Variants in LINGO2 observed in about 807,000 individuals in gnomAD.
LINGO2 encodes leucine rich repeat and Ig domain containing 2, also known as leucine-rich repeat and immunoglobulin-like domain-containing nogo receptor-interacting protein 2.
A neutral mutation model predicts 30.6 loss-of-function variants in LINGO2; 14 were observed. The ratio of observed to expected loss-of-function variants is 0.46; its 90% CI spans 0.30 to 0.72. The LOEUF is 0.72. LINGO2 is among the 30% of genes least tolerant of loss of function. The pLI is 0.07. For missense variants in LINGO2, 729 were observed against 751.7 expected, an observed-to-expected ratio of 0.97 and a Z score of 0.35; for synonymous variants, 317 against 288.5, an observed-to-expected ratio of 1.10 and a Z score of -1.00.
chr9:28,954,258 T>G, the LINGO2 span, among the ~76,000 whole-genome samples: 1 of 152,158 alleles, frequency 6.6e-6, no homozygotes, highest in Non-Finnish European at 1.5e-5. Flanking sequence ...GTTAAAATGA[T>G]GTTAAATGAA....
chr9:29,081,819 C>T, the LINGO2 span, among the ~76,000 whole-genome samples: 1 of 151,762 alleles, frequency 6.6e-6, no homozygotes, highest in African/African-American at 2.4e-5. Flanking sequence ...GAGTGAACTC[C>T]CATTCACAAT....
the LINGO2 span, among the ~76,000 whole-genome samples, chr9:28,780,039 T>C: frequency 2.0e-5 from 3 of 152,206 alleles, no homozygotes; most frequent in African/African-American, 7.2e-5. Context: ...TAACTCATTG[T>C]TTTGTTTCAT....
intron 1 of LINGO2, among the ~76,000 whole-genome samples, chr9:28,513,672 A>T (rs900506482): frequency 6.6e-6 from 1 of 152,220 alleles, no homozygotes; most frequent in African/African-American, 2.4e-5. Flanking sequence ...TAAAAAATTC[A>T]GATATTGTTC....
chr9:28,436,159 G>A (rs538481928), intron 2 of LINGO2, among the ~76,000 whole-genome samples: 8 of 152,162 alleles, frequency 5.3e-5, no homozygotes, highest in African/African-American at 1.9e-4. Context: ...TAATTGCAAG[G>A]ACTTCAAGTA....
At chr9:29,116,469 G>T in the LINGO2 span, among the ~76,000 whole-genome samples, 2 of 151,840 alleles carry the variant, frequency 1.3e-5, no homozygotes, top group East Asian at 1.9e-4. Flanking sequence ...TTTAAAAAAT[G>T]GAATGTAAAT....
intron 2 of LINGO2, among the ~76,000 whole-genome samples, chr9:28,412,808 C>A (rs752443839): frequency 6.6e-6 from 1 of 151,900 alleles, no homozygotes; most frequent in Non-Finnish European, 1.5e-5. Context: ...ATGATAAGTT[C>A]ACTTTACCCT....
At chr9:28,186,317 A>G (rs1388100326) in intron 4 of LINGO2, among the ~76,000 whole-genome samples, 1 of 152,176 alleles carries the variant, frequency 6.6e-6, no homozygotes, top group Non-Finnish European at 1.5e-5. Flanking sequence ...AGGTACAAAA[A>G]GTAGATCGAT....
At chr9:29,049,976 T>C in the LINGO2 span, among the ~76,000 whole-genome samples, 1 of 152,156 alleles carries the variant, frequency 6.6e-6, no homozygotes, top group Non-Finnish European at 1.5e-5. Context: ...ACTCAAAGGA[T>C]AAATGCTTTA....
At chr9:28,748,120 C>T in the LINGO2 span, among the ~76,000 whole-genome samples, 1 of 151,770 alleles carries the variant, frequency 6.6e-6, no homozygotes, top group Non-Finnish European at 1.5e-5. Flanking sequence ...TCCACTGGAG[C>T]TCTTTCCAGT....
Position 28,148,576 on chromosome 9 carries a change from C to T in LINGO2, c.-86-136171G>A. On this transcript the variant is annotated intron_variant, in intron 4 of 5. Transcript: ENST00000379992. This position sits in a 1 kb window ranked among gnomAD's most constrained non-coding sequence, Gnocchi z 5.1. ...GGCCCCTGGAGACTCAGGGAAACTT[C>T]ACTTCCTCCTGGTACAATCCCAGGC... The T allele has an allele frequency of 6.6e-7, 1 of 1,507,342 alleles. No individual in the cohort carries two copies. The highest frequency in any genetic ancestry group is 8.9e-7 in the Non-Finnish European group (1 of 1,122,050). The allele number at this position is 1,507,342 out of a possible 1,614,324, so 93.4% of individuals were successfully genotyped here. A position where few individuals can be genotyped will look rare whatever the true frequency, so the allele number is the denominator to read the frequency against.
the LINGO2 span, among the ~76,000 whole-genome samples, chr9:29,043,905 GCAAGAAACCTGAGTT>G: frequency 2.0e-5 from 3 of 151,966 alleles, no homozygotes; most frequent in African/African-American, 7.2e-5. Flanking sequence ...CATAAATAAT[GCAAGAAACCTGAGTT>G]CAAGAAACCT....
chr9:28,573,784 C>T (rs1166277569), intron 1 of LINGO2, among the ~76,000 whole-genome samples: 2 of 152,016 alleles, frequency 1.3e-5, no homozygotes, highest in East Asian at 1.9e-4. Flanking sequence ...ACAGATGAAC[C>T]ACTTACCTGA....
At chr9:28,298,324 G>C (rs1418743590) in intron 3 of LINGO2, among the ~76,000 whole-genome samples, 2 of 151,870 alleles carry the variant, frequency 1.3e-5, no homozygotes, top group Non-Finnish European at 2.9e-5. Context: ...ATGATAACAA[G>C]ATATTTTCTT....
exon 6 of LINGO2, chr9:27,949,908 G>A: frequency 6.2e-7 from 1 of 1,614,102 alleles, no homozygotes. Flanking sequence ...GTTGGTGACT[G>A]AAAGGGATGT....
At chr9:29,099,625 A>G in the LINGO2 span, among the ~76,000 whole-genome samples, 1 of 152,232 alleles carries the variant, frequency 6.6e-6, no homozygotes, top group Non-Finnish European at 1.5e-5. Flanking sequence ...AAACAGGTAT[A>G]TGAAAAGATG....
chr9:28,065,992 A>C (rs1587800624), intron 4 of LINGO2, among the ~76,000 whole-genome samples: 1 of 152,012 alleles, frequency 6.6e-6, no homozygotes. Flanking sequence ...ACAACCTCCC[A>C]AAAATAAAAG....
chr9:29,124,706 A>G, the LINGO2 span, among the ~76,000 whole-genome samples: 21 of 152,326 alleles, frequency 1.4e-4, no homozygotes, highest in African/African-American at 4.8e-4. Context: ...CAAAACCACA[A>G]TAAGATACCA....
intron 1 of LINGO2, among the ~76,000 whole-genome samples, chr9:28,647,057 G>A (rs1435050251): frequency 6.6e-6 from 1 of 152,068 alleles, no homozygotes; most frequent in Non-Finnish European, 1.5e-5. Flanking sequence ...GACACCACAG[G>A]TATCCCTTTC....
chr9:28,846,267 C>G, the LINGO2 span, among the ~76,000 whole-genome samples: 1 of 151,676 alleles, frequency 6.6e-6, no homozygotes, highest in Admixed American at 6.6e-5. Flanking sequence ...TTCTTTTCCA[C>G]TCAAAGGCCT....
Sources: gnomAD v4.1 joint callset for allele counts (sites outside exome capture counted in the v4.1 genomes callset) on GRCh38, gnomAD v4.1.1 for gene constraint, Gnocchi (gnomAD v3.1) non-coding constraint, MANE v1.5 for transcripts, NCBI Gene and HGNC (gene_info 2026-07-23, HGNC 2026-07-21) for gene names.